The following SLC8A3 variants were observed in gnomAD, a reference collection of about 807,000 sequenced individuals.
SLC8A3 encodes the protein solute carrier family 8 member A3, also known as sodium/calcium exchanger 3.
In SLC8A3, 37 loss-of-function variants were observed where a neutral mutation model predicts 65.4. The ratio of observed to expected loss-of-function variants is 0.57; its 90% CI spans 0.44 to 0.74. The LOEUF (loss-of-function observed/expected upper bound fraction) is 0.74. Ranked by LOEUF, SLC8A3 falls within the 30% of genes least tolerant of loss-of-function variation. The probability of loss-of-function intolerance (pLI) is 0.00; values close to 1 mark genes in which losing one functional copy is unlikely to be tolerated. For synonymous variants in SLC8A3, 461 were observed against 444.5 expected (o/e 1.04, Z -0.47); for missense variants, 1,112 against 1,172.1 (o/e 0.95, Z 0.75).
Position 70,168,484 on chromosome 14 carries a change from C to T in SLC8A3, c.-62G>A. The T allele has an allele frequency of 7.3e-7, 1 of 1,372,170 alleles. No homozygotes were observed. The highest frequency in any genetic ancestry group is 1.4e-5 in the South Asian group (1 of 73,322). The allele number at this position is 1,372,170 out of a possible 1,614,324, so 85.0% of individuals were successfully genotyped here. On this transcript the variant is annotated splice_region_variant and 5_prime_UTR_variant, in exon 2 of 7. Transcript: ENST00000356921. ...AGTTGTCCTCCTGATAGGCCAGAGA[C>T]CTAGAAAAGATCAGAGAGGCAGGAA...
rs149951056 is a variant in SLC8A3 at position 70,125,876 on chromosome 14, G to A, written c.1784+40763C>T. Among the ~76,000 whole-genome samples the A allele has an allele frequency of 6.4e-3, 977 of 152,298 alleles. 4 individuals carry two copies. Among genetic ancestry groups the A allele is most frequent in the Middle Eastern group, 0.01 (3 of 294 alleles). ...GCAGTTTTTTAAAGCTCCCAAGGTT[G>A]AGAACCACTGGTTTAAGGAAAGGAC... On this transcript the variant is annotated intron_variant, in intron 2 of 6. Transcript: ENST00000356921.
At chr14:70,126,180 C>T (rs1033755529) in intron 2 of SLC8A3, among the ~76,000 whole-genome samples, 2 of 152,172 alleles carry the variant, frequency 1.3e-5, no homozygotes, top group Non-Finnish European at 2.9e-5. Flanking sequence ...TGTTCTTTTG[C>T]TCCAGTCTGC....
At chr14:70,172,798 T>C (rs903328798) in intron 1 of SLC8A3, among the ~76,000 whole-genome samples, 2 of 152,012 alleles carry the variant, frequency 1.3e-5, no homozygotes, top group Non-Finnish European at 2.9e-5. Context: ...CAGAATGCTA[T>C]GAGAATGTGA....
At chr14:70,063,415 CTCAGT>C (rs953878638) in intron 2 of SLC8A3, among the ~76,000 whole-genome samples, 1 of 152,248 alleles carries the variant, frequency 6.6e-6, no homozygotes, top group African/African-American at 2.4e-5. Flanking sequence ...AAGCCTGTTT[CTCAGT>C]GCTGCTCTTC....
chr14:70,084,250 G>T (rs1891266900), intron 2 of SLC8A3, among the ~76,000 whole-genome samples: 1 of 152,160 alleles, frequency 6.6e-6, no homozygotes, highest in Non-Finnish European at 1.5e-5. Flanking sequence ...GATGGAGGTG[G>T]TATCTCACAT....
intron 2 of SLC8A3, among the ~76,000 whole-genome samples, chr14:70,066,033 T>A (rs141813040): frequency 7.7e-4 from 117 of 152,334 alleles, no homozygotes; most frequent in African/African-American, 2.8e-3. Context: ...GCTCGTGCTG[T>A]TTTGATTGAC....
intron 2 of SLC8A3, among the ~76,000 whole-genome samples, chr14:70,085,668 T>C (rs778744579): frequency 1.3e-5 from 2 of 152,188 alleles, no homozygotes; most frequent in Non-Finnish European, 2.9e-5. Context: ...AAAGCAGACA[T>C]GTAAGCAGAT....
chr14:70,147,731 A>T (rs1594759499), intron 2 of SLC8A3, among the ~76,000 whole-genome samples: 1 of 152,170 alleles, frequency 6.6e-6, no homozygotes, highest in East Asian at 1.9e-4. Context: ...CTGACCTTGG[A>T]ATCCACACCC....
rs1273465631 is a variant in SLC8A3, at chr14:70,048,810, T to C, written c.2346A>G (p.Ser782=). Residue 782 remains serine (S), a synonymous_variant, in exon 6 of 7, where the codon TCA becomes TCG. Coordinates refer to ENST00000356921, the MANE Select transcript of SLC8A3 (RefSeq NM_182932.3). ...HFGCTIGLKD[S]VTAVVFVAFG... The stretch of plus-strand genomic sequence containing the variant: ...ATGCCACGAAAACAACAGCTGTGAC[T>C]GAATCTTTGAGACCAATGGTGCAGC... 1 of 1,614,084 alleles carries C rather than the reference T, an allele frequency of 6.2e-7. No individual in the cohort carries two copies. The highest frequency in any genetic ancestry group is 8.5e-7 in the Non-Finnish European group (1 of 1,179,996).
At chr14:70,173,120 A>G (rs1232570889) in intron 1 of SLC8A3, among the ~76,000 whole-genome samples, 3 of 152,224 alleles carry the variant, frequency 2.0e-5, no homozygotes, top group Admixed American at 2.0e-4. Flanking sequence ...TTCTAAGGGC[A>G]ATGAAAAGCC....
At position 70,173,753 on chromosome 14, in the gene SLC8A3, C is replaced by T. The variant is rs143725820; in HGVS notation, c.-62-5269G>A. Among the ~76,000 whole-genome samples the T allele has an allele frequency of 4.9e-4, 75 of 152,306 alleles. No homozygotes were observed. The East Asian group carries it at 0.014, about 28-fold the overall frequency. On this transcript the variant is annotated intron_variant, in intron 1 of 6. Coordinates refer to ENST00000356921, the MANE Select transcript of SLC8A3 (RefSeq NM_182932.3). The stretch of plus-strand genomic sequence containing the variant: ...GTTGTGTCACCCGAGTCCAAGCACA[C>T]TGCATATTCTCCTGCACTTCCTCTG...
chr14:70,094,065 G>A (rs1273569776), intron 2 of SLC8A3, among the ~76,000 whole-genome samples: 1 of 152,258 alleles, frequency 6.6e-6, no homozygotes, highest in Non-Finnish European at 1.5e-5. Flanking sequence ...GCCCCATCTA[G>A]TTCTGACTCT....
chr14:70,044,384 C>T lies in SLC8A3; in HGVS notation c.*1563G>A, dbSNP rs1039573121. On this transcript the variant is annotated 3_prime_UTR_variant, in exon 7 of 7. Transcript: ENST00000356921. Reference sequence around the variant, plus strand: ...AGGTGTTTTTTAATTTCTTCCCCCCCCCCCTTAGAAAATGTATTTATGTCA... The same window carrying T: ...AGGTGTTTTTTAATTTCTTCCCCCCTCCCCTTAGAAAATGTATTTATGTCA... 1 of 138,968 alleles carries T rather than the reference C, an allele frequency of 7.2e-6. No homozygotes were observed. Among genetic ancestry groups the T allele is most frequent in the African/African-American group, 2.6e-5 (1 of 38,570 alleles). The allele number at this position is 138,968 out of a possible 1,614,324, so 8.6% of individuals were successfully genotyped here.
chr14:70,170,034 A>G lies in SLC8A3; in HGVS notation c.-62-1550T>C, dbSNP rs537203517. Among the ~76,000 whole-genome samples the G allele has an allele frequency of 7.2e-5, 11 of 152,178 alleles. No homozygotes were observed. The East Asian group carries it at 1.9e-3, about 27-fold the overall frequency. ...ATCTACTTCAGTAGCCTCCTAATGG[A>G]GCTCACCACTCCAACTCTCACTAGT... On this transcript the variant is annotated intron_variant, in intron 1 of 6. Transcript: ENST00000356921.
intron 2 of SLC8A3, among the ~76,000 whole-genome samples, chr14:70,095,610 G>T (rs1009860056): frequency 6.6e-6 from 1 of 152,196 alleles, no homozygotes; most frequent in Admixed American, 6.5e-5. Flanking sequence ...TTTCTCCCTG[G>T]AATGTGGAGT....
chr14:70,073,327 T>C (rs1459383601), intron 2 of SLC8A3, among the ~76,000 whole-genome samples: 1 of 152,170 alleles, frequency 6.6e-6, no homozygotes, highest in Non-Finnish European at 1.5e-5. Flanking sequence ...TATCAGTGGG[T>C]CTGTGAAGGT....
chr14:70,049,126 A>G, intron 5 of SLC8A3, 84 bp from the exon 6 acceptor site: 2 of 1,344,018 alleles, frequency 1.5e-6, no homozygotes, highest in Non-Finnish European at 2.0e-6. Context: ...CCCGCACCAC[A>G]GGCATCATCC....
chr14:70,154,832 T>A (rs937593823), intron 2 of SLC8A3, among the ~76,000 whole-genome samples: 1 of 152,122 alleles, frequency 6.6e-6, no homozygotes, highest in Non-Finnish European at 1.5e-5. Context: ...TATGTATGGA[T>A]ACAGAGTGAT....
chr14:70,152,730 C>T (rs565256127), intron 2 of SLC8A3, among the ~76,000 whole-genome samples: 21 of 152,296 alleles, frequency 1.4e-4, no homozygotes, highest in African/African-American at 4.8e-4. Flanking sequence ...TCAGTGAGGA[C>T]TCATTTCAGA....
Sources: allele counts gnomAD v4.1 joint callset (sites outside exome capture counted in the v4.1 genomes callset), GRCh38; gene constraint gnomAD v4.1.1; transcripts MANE v1.5; gene names NCBI Gene and HGNC (gene_info 2026-07-23, HGNC 2026-07-21).